The following BBS9 variants were observed in gnomAD, a reference collection of about 807,000 sequenced individuals.
BBS9 encodes Bardet-Biedl syndrome 9, also known as protein PTHB1.
BBS9 carries 89 observed loss-of-function variants against 117.7 expected under a neutral mutation model. That is an observed-to-expected ratio of 0.76 (90% CI 0.64 to 0.90). BBS9 has a LOEUF of 0.90. Among genes scored for constraint, BBS9 ranks in the 40% least tolerant of loss-of-function variants. BBS9 has a pLI of 0.00. For synonymous variants in BBS9, 379 were observed against 370.9 expected (o/e 1.02, Z -0.25); for missense variants, 982 against 1,042.2 (o/e 0.94, Z 0.80).
intron 17 of BBS9, among the ~76,000 whole-genome samples, chr7:33,370,234 G>A (rs1289909490): frequency 6.6e-6 from 1 of 151,944 alleles, no homozygotes; most frequent in African/African-American, 2.4e-5. Context: ...AAGGTGGGAG[G>A]ATCGCTTAAG....
chr7:33,302,961 T>C (rs950297664), intron 9 of BBS9, among the ~76,000 whole-genome samples: 4 of 152,198 alleles, frequency 2.6e-5, no homozygotes, highest in African/African-American at 7.2e-5. Context: ...CAATGTTTTA[T>C]AGTTTTCATT....
rs1211251460 is a variant in BBS9, at chr7:33,377,412, G to A, written c.1790-6254G>A. On this transcript the variant is annotated intron_variant, in intron 17 of 22. Transcript: ENST00000242067. ...TTTTGTACCAGTATCATGCTGTTTT[G>A]TTTACTGTAGCCCTGTAGTATAGTC... Among the ~76,000 whole-genome samples, 4 of 152,106 alleles carry A rather than the reference G, an allele frequency of 2.6e-5. No individual in the cohort carries two copies. In the East Asian group the frequency reaches 7.7e-4, roughly 29 times the overall value.
At chr7:33,604,440 C>G (rs977147273) in intron 21 of BBS9, among the ~76,000 whole-genome samples, 2 of 152,148 alleles carry the variant, frequency 1.3e-5, no homozygotes, top group African/African-American at 2.4e-5. Flanking sequence ...ACACCAGCAA[C>G]CTTTCTCTTT....
chr7:33,467,572 G>T (rs1189293079), intron 19 of BBS9, among the ~76,000 whole-genome samples: 1 of 91,636 alleles, frequency 1.1e-5, no homozygotes, highest in African/African-American at 5.2e-5. Flanking sequence ...CCCCAACTCC[G>T]CCACCTCCAC....
intron 9 of BBS9, among the ~76,000 whole-genome samples, chr7:33,291,623 C>G (rs527485412): frequency 6.6e-6 from 1 of 152,250 alleles, no homozygotes; most frequent in Non-Finnish European, 1.5e-5. Context: ...TTTGGGAAAT[C>G]TCATTCTTAA....
chr7:33,501,390 A>G (rs1480956191), intron 19 of BBS9, among the ~76,000 whole-genome samples: 1 of 152,210 alleles, frequency 6.6e-6, no homozygotes, highest in Non-Finnish European at 1.5e-5. Flanking sequence ...GGTAATTTAC[A>G]TAAGGAATTG....
intron 20 of BBS9, 22 bp from the exon 21 acceptor site, chr7:33,533,932 C>T: frequency 1.2e-6 from 2 of 1,613,050 alleles, no homozygotes; most frequent in Admixed American, 1.7e-5. Context: ...TGTATTAATT[C>T]AAAATTGGCT....
At chr7:33,145,011 A>G (rs191332994) in intron 1 of BBS9, among the ~76,000 whole-genome samples, 1 of 152,342 alleles carries the variant, frequency 6.6e-6, no homozygotes, top group Non-Finnish European at 1.5e-5. Context: ...TGAATCAGCA[A>G]TACATATTAA....
At chr7:33,543,309 G>T (rs1585193589) in intron 21 of BBS9, among the ~76,000 whole-genome samples, 1 of 148,064 alleles carries the variant, frequency 6.8e-6, no homozygotes, top group African/African-American at 2.5e-5. Flanking sequence ...TGATGGGATT[G>T]TTTTTTTTTT....
chr7:33,315,150 A>G (rs1442558482), intron 9 of BBS9, among the ~76,000 whole-genome samples: 1 of 152,146 alleles, frequency 6.6e-6, no homozygotes, highest in Non-Finnish European at 1.5e-5. Flanking sequence ...ACAGAAATTT[A>G]TTCTCTCACG....
At chr7:33,437,917 GT>G (rs1331100339) in intron 19 of BBS9, among the ~76,000 whole-genome samples, 1 of 152,108 alleles carries the variant, frequency 6.6e-6, no homozygotes, top group Admixed American at 6.6e-5. Flanking sequence ...TTGTACAGCT[GT>G]TTTGAACAGC....
chr7:33,443,863 T>C (rs1361313915), intron 19 of BBS9, among the ~76,000 whole-genome samples: 1 of 152,194 alleles, frequency 6.6e-6, no homozygotes, highest in African/African-American at 2.4e-5. Flanking sequence ...AAGTCATCAG[T>C]GGGAGTTTAT....
chr7:33,363,810 G>A lies in BBS9; in HGVS notation c.1694-3957G>A, dbSNP rs117324247. Among the ~76,000 whole-genome samples, 35 of 150,852 alleles carry A rather than the reference G, an allele frequency of 2.3e-4. No individual in the cohort carries two copies. In the East Asian group the frequency reaches 6.8e-3, roughly 29 times the overall value. ...CTACATCAGCTGAGACATTCTTATC[G>A]TTTTCTTCTTTATTTGATTAAATAT... On this transcript the variant is annotated intron_variant, in intron 16 of 22. Coordinates refer to ENST00000242067, the MANE Select transcript of BBS9 (RefSeq NM_198428.3).
intron 20 of BBS9, among the ~76,000 whole-genome samples, chr7:33,515,658 A>G (rs1456493954): frequency 1.3e-5 from 2 of 152,200 alleles, no homozygotes; most frequent in East Asian, 1.9e-4. Context: ...ATTAAACCAC[A>G]TCTATTTCAG....
At chr7:33,347,745 T>C (rs1469065507) in intron 12 of BBS9, among the ~76,000 whole-genome samples, 1 of 151,538 alleles carries the variant, frequency 6.6e-6, no homozygotes, top group African/African-American at 2.4e-5. Flanking sequence ...AAATATTATA[T>C]ATATTTAATC....
At chr7:33,292,716 GA>G (rs1384254237) in intron 9 of BBS9, among the ~76,000 whole-genome samples, 2 of 152,004 alleles carry the variant, frequency 1.3e-5, no homozygotes, top group Non-Finnish European at 2.9e-5. Flanking sequence ...TTAAATTATA[GA>G]AAAAAGTTGG....
chr7:33,141,760 A>G (rs1791500351), intron 1 of BBS9, among the ~76,000 whole-genome samples: 1 of 152,118 alleles, frequency 6.6e-6, no homozygotes, highest in South Asian at 2.1e-4. Context: ...TTAGCTCCTC[A>G]TAGTTACACC....
intron 9 of BBS9, among the ~76,000 whole-genome samples, chr7:33,275,262 A>G (rs971946247): frequency 6.6e-6 from 1 of 152,220 alleles, no homozygotes; most frequent in South Asian, 2.1e-4. Context: ...TCTAATTGCT[A>G]TGCACTTAAC....
intron 21 of BBS9, among the ~76,000 whole-genome samples, chr7:33,540,422 A>G (rs1299517243): frequency 1.3e-5 from 2 of 152,250 alleles, no homozygotes; most frequent in Non-Finnish European, 2.9e-5. Flanking sequence ...AGCTTTTGTT[A>G]TAGACTTCTC....
Sources: gnomAD v4.1 joint callset for allele counts (sites outside exome capture counted in the v4.1 genomes callset) on GRCh38, gnomAD v4.1.1 for gene constraint, MANE v1.5 for transcripts, NCBI Gene and HGNC (gene_info 2026-07-23, HGNC 2026-07-21) for gene names.